The following CLASP2 variants were observed in gnomAD, a reference collection of about 807,000 sequenced individuals.
CLASP2 encodes CLIP-associating protein 2.
Under a neutral mutation model 194.4 loss-of-function variants are expected in CLASP2, and 47 were observed. The ratio of observed to expected loss-of-function variants is 0.24; its 90% CI spans 0.19 to 0.31. The LOEUF is 0.31. Among genes scored for constraint, CLASP2 ranks in the 10% least tolerant of loss-of-function variants. The probability of loss-of-function intolerance (pLI) is 1.00; values close to 1 mark genes in which losing one functional copy is unlikely to be tolerated. For synonymous variants in CLASP2, 619 were observed against 633.5 expected, an observed-to-expected ratio of 0.98 and a Z score of 0.34; for missense variants, 1,445 against 1,823.6, an observed-to-expected ratio of 0.79 and a Z score of 3.78.
chr3:33,645,038 T>C, intron 7 of CLASP2, 135 bp from the exon 8 acceptor site: 1 of 884,466 alleles, frequency 1.1e-6, no homozygotes, highest in Non-Finnish European at 1.8e-6. Context: ...AAAGGTCCTT[T>C]GAATAAGCAT....
chr3:33,558,609 C>A (rs1356044321), intron 29 of CLASP2: 1 of 150,244 alleles, frequency 6.7e-6, no homozygotes, highest in African/African-American at 2.5e-5. Flanking sequence ...AATTGGAATC[C>A]ATTTAGTTTT....
chr3:33,647,459 T>C (rs1056955564), intron 7 of CLASP2, among the ~76,000 whole-genome samples: 2 of 152,132 alleles, frequency 1.3e-5, no homozygotes, highest in African/African-American at 2.4e-5. Context: ...TGATGCATGA[T>C]TGAGTTTAAG....
intron 33 of CLASP2, among the ~76,000 whole-genome samples, chr3:33,536,003 A>C (rs2057263877): frequency 6.6e-6 from 1 of 152,164 alleles, no homozygotes; most frequent in South Asian, 2.1e-4. Flanking sequence ...CATACTTATC[A>C]AAATATGAAT....
In CLASP2 at chr3:33,563,001, CCTT is replaced by C. The variant is rs200319333; in HGVS notation, c.2767-2033_2767-2031del. 9.3e-3 allele frequency among the ~76,000 whole-genome samples: 1,411 copies of C among 152,260 alleles called. 18 individuals are homozygous for C. Among genetic ancestry groups the C allele is most frequent in the Admixed American group, 0.018 (269 of 15,292 alleles). Reference sequence around the variant, plus strand: ...TCAATTTGATTTCCTCTATACCTATCCTTCTAATTTATCCAAGAAAGAAGTGAT... The same window carrying C: ...TCAATTTGATTTCCTCTATACCTATCCTAATTTATCCAAGAAAGAAGTGAT... On this transcript the variant is annotated intron_variant, in intron 27 of 38. Transcript: ENST00000682230.
At chr3:33,516,201 T>G in intron 35 of CLASP2, 50 bp from the exon 36 acceptor site, 1 of 1,516,688 alleles carries the variant, frequency 6.6e-7, no homozygotes, top group Non-Finnish European at 8.8e-7. Flanking sequence ...GTAGATAATC[T>G]TTAACATTTT....
At position 33,533,852 on chromosome 3, in the gene CLASP2, G is replaced by A. The variant is rs145131571; in HGVS notation, c.3787+1381C>T. On this transcript the variant is annotated intron_variant, in intron 34 of 38. Transcript: ENST00000682230. The stretch of plus-strand genomic sequence containing the variant: ...CCTGCCTCAGCTCCCGAGTAGCTGG[G>A]ATGACAGGCGCGTGCCACCACGCCC... Among the ~76,000 whole-genome samples the A allele has an allele frequency of 5.2e-3, 788 of 152,240 alleles. 7 individuals are homozygous for A. Among genetic ancestry groups the A allele is most frequent in the African/African-American group, 0.017 (690 of 41,522 alleles).
At chr3:33,706,234 T>A (rs569297595) in intron 1 of CLASP2, among the ~76,000 whole-genome samples, 5 of 151,862 alleles carry the variant, frequency 3.3e-5, no homozygotes, top group Non-Finnish European at 5.9e-5. Flanking sequence ...GGCAACAGAG[T>A]GAGATCCTCT....
At chr3:33,554,471 A>C (rs1390073084) in intron 29 of CLASP2, among the ~76,000 whole-genome samples, 1 of 152,220 alleles carries the variant, frequency 6.6e-6, no homozygotes. Context: ...TTATAGAAAC[A>C]GAGAGTAAAA....
chr3:33,580,843 G>A (rs1340563003), intron 23 of CLASP2, among the ~76,000 whole-genome samples: 1 of 151,348 alleles, frequency 6.6e-6, no homozygotes, highest in African/African-American at 2.4e-5. Context: ...GTGAAACACC[G>A]TCTCTACTGA....
intron 4 of CLASP2, among the ~76,000 whole-genome samples, chr3:33,687,906 G>A (rs2090891763): frequency 6.6e-6 from 1 of 152,146 alleles, no homozygotes. Context: ...ACTGCTCTAG[G>A]GGTAGGGTGG....
chr3:33,582,018 G>A, intron 22 of CLASP2, 90 bp from the exon 23 acceptor site: 1 of 738,380 alleles, frequency 1.4e-6, no homozygotes, highest in Non-Finnish European at 2.3e-6. Flanking sequence ...CTTTCTTAAA[G>A]ACTGAACAGT....
At chr3:33,674,612 A>G (rs2088121101) in intron 6 of CLASP2, among the ~76,000 whole-genome samples, 1 of 152,166 alleles carries the variant, frequency 6.6e-6, no homozygotes, top group Non-Finnish European at 1.5e-5. Context: ...AAATAGAGAC[A>G]CAAAAAACCC....
At position 33,666,206 on chromosome 3, in the gene CLASP2, T is replaced by G. The variant is rs2086146651; in HGVS notation, c.645-2691A>C. Among the ~76,000 whole-genome samples the G allele has an allele frequency of 1.3e-5, 2 of 152,198 alleles. 1 individual carries two copies. The highest frequency in any genetic ancestry group is 4.1e-4 in the South Asian group (2 of 4,834). ...TTCTAAAATAACAGTATTATTGAGG[T>G]AGAATTCAATACCATACAATTCACC... On this transcript the variant is annotated intron_variant, in intron 6 of 38. Transcript: ENST00000682230.
chr3:33,687,476 A>AT (rs1032692397), intron 4 of CLASP2, among the ~76,000 whole-genome samples: 13 of 152,302 alleles, frequency 8.5e-5, no homozygotes, highest in South Asian at 6.2e-4. Context: ...TAAAATTGTG[A>AT]TTTTTTTAGA....
chr3:33,651,763 G>A (rs1362121403), intron 7 of CLASP2, among the ~76,000 whole-genome samples: 4 of 150,542 alleles, frequency 2.7e-5, no homozygotes, highest in Admixed American at 2.0e-4. Context: ...GAGTTCAAGC[G>A]ATTCCACTGC....
rs114481981 is a variant in CLASP2, at chr3:33,514,807, T to C, written c.4110+1216A>G. ...TCAATCAATGAATGGATAAAGAAAT[T>C]GTGTATATGTATATACACACACACA... On this transcript the variant is annotated intron_variant, in intron 36 of 38. Coordinates refer to ENST00000682230, the MANE Select transcript of CLASP2 (RefSeq NM_001365631.1). 5.4e-3 allele frequency: 888 copies of C among 163,748 alleles called. 6 individuals are homozygous for C. Among genetic ancestry groups the C allele is most frequent in the African/African-American group, 0.037 (799 of 21,770 alleles). 10.1% of individuals were successfully genotyped at this position (163,748 alleles called of 1,614,324 possible). A position where few individuals can be genotyped will look rare whatever the true frequency, so the allele number is the denominator to read the frequency against.
At chr3:33,515,995 A>T (rs1444762115) in intron 36 of CLASP2, 28 bp downstream of exon 36, 1 of 1,586,358 alleles carries the variant, frequency 6.3e-7, no homozygotes, top group Non-Finnish European at 8.6e-7. Context: ...AAATAATGGA[A>T]TAATACTTTA....
At chr3:33,643,309 ATAGAT>A (rs2081657769) in intron 8 of CLASP2, among the ~76,000 whole-genome samples, 1 of 151,892 alleles carries the variant, frequency 6.6e-6, no homozygotes, top group Non-Finnish European at 1.5e-5. Flanking sequence ...TTATAATATC[ATAGAT>A]TAGAATTCTG....
intron 34 of CLASP2, among the ~76,000 whole-genome samples, chr3:33,526,464 C>T (rs2054590804): frequency 6.6e-6 from 1 of 152,128 alleles, no homozygotes; most frequent in Non-Finnish European, 1.5e-5. Flanking sequence ...AACACAGGAG[C>T]ACACAGATTC....
Sources: allele counts gnomAD v4.1 joint callset (sites outside exome capture counted in the v4.1 genomes callset), GRCh38; gene constraint gnomAD v4.1.1; transcripts MANE v1.5; gene names NCBI Gene and HGNC (gene_info 2026-07-23, HGNC 2026-07-21).